Variants in CFAP299 observed in about 807,000 individuals in gnomAD.
CFAP299 encodes the protein cilia- and flagella-associated protein 299.
CFAP299 carries 21 observed loss-of-function variants against 27.0 expected under a neutral mutation model. That is an observed-to-expected ratio of 0.78 (90% CI 0.55 to 1.12). The LOEUF is 1.12. Ranked by LOEUF, CFAP299 falls within the 50% of genes most tolerant of loss-of-function variation. The probability of loss-of-function intolerance (pLI) is 0.00; values close to 1 mark genes in which losing one functional copy is unlikely to be tolerated. For synonymous variants in CFAP299, 104 were observed against 98.1 expected, an observed-to-expected ratio of 1.06 and a Z score of -0.36; for missense variants, 310 against 276.6, an observed-to-expected ratio of 1.12 and a Z score of -0.86.
chr4:80,625,709 A>AAG (rs1418153016), intron 3 of CFAP299, among the ~76,000 whole-genome samples: 44 of 152,154 alleles, frequency 2.9e-4, no homozygotes, highest in Admixed American at 2.2e-3. Flanking sequence ...CTGCATGTAA[A>AAG]TGGTAGCCAA....
chr4:80,525,281 TTGTCATTTCAGGA>T (rs1733115170), intron 2 of CFAP299, among the ~76,000 whole-genome samples: 1 of 152,154 alleles, frequency 6.6e-6, no homozygotes. Context: ...GAATCACTGG[TTGTCATTTCAGGA>T]TGTGTCGGCC....
chr4:80,789,003 C>T (rs1727403001), intron 3 of CFAP299, among the ~76,000 whole-genome samples: 1 of 152,056 alleles, frequency 6.6e-6, no homozygotes, highest in African/African-American at 2.4e-5. Context: ...TGGCACATTG[C>T]CAAGTCACTT....
intron 3 of CFAP299, among the ~76,000 whole-genome samples, chr4:80,730,268 GTGTGTGTGTGTA>G (rs1427449003): frequency 6.7e-6 from 1 of 149,660 alleles, no homozygotes; most frequent in African/African-American, 2.5e-5. Flanking sequence ...GTGTGTGTGT[GTGTGTGTGTGTA>G]TGTGTGTGTG....
intron 3 of CFAP299, among the ~76,000 whole-genome samples, chr4:80,867,307 G>A (rs190643195): frequency 1.4e-3 from 219 of 151,962 alleles, no homozygotes; most frequent in African/African-American, 4.9e-3. Flanking sequence ...AAACTCTCCC[G>A]TATGTATGTT....
At chr4:80,464,087 A>T (rs1001137499) in intron 2 of CFAP299, among the ~76,000 whole-genome samples, 7 of 150,900 alleles carry the variant, frequency 4.6e-5, no homozygotes, top group African/African-American at 1.7e-4. Flanking sequence ...TATTTTGTAA[A>T]TTTTTTTTTT....
At chr4:80,907,895 T>G (rs546319453) in intron 4 of CFAP299, among the ~76,000 whole-genome samples, 1 of 152,200 alleles carries the variant, frequency 6.6e-6, no homozygotes, top group South Asian at 2.1e-4. Flanking sequence ...AAACATTGAG[T>G]TCACCAAGAG....
At chr4:80,649,376 C>A (rs1167357697) in intron 3 of CFAP299, among the ~76,000 whole-genome samples, 2 of 152,136 alleles carry the variant, frequency 1.3e-5, no homozygotes, top group Non-Finnish European at 2.9e-5. Context: ...GAAGAGATGA[C>A]ACTTCATTTC....
intron 4 of CFAP299, among the ~76,000 whole-genome samples, chr4:80,923,599 C>T (rs1233749339): frequency 6.6e-6 from 1 of 152,050 alleles, no homozygotes; most frequent in Non-Finnish European, 1.5e-5. Flanking sequence ...TATCTTCTCT[C>T]TTAAAAGTCT....
At chr4:80,350,949 A>C (rs562677767) in intron 1 of CFAP299, among the ~76,000 whole-genome samples, 10 of 152,288 alleles carry the variant, frequency 6.6e-5, no homozygotes, top group Admixed American at 6.5e-4. Context: ...TAAAGTAAAA[A>C]ATAAGTAAAT....
At chr4:80,713,741 A>G (rs188156021) in intron 3 of CFAP299, among the ~76,000 whole-genome samples, 1 of 152,322 alleles carries the variant, frequency 6.6e-6, no homozygotes, top group Non-Finnish European at 1.5e-5. Context: ...GGCCTTATTC[A>G]CTATGCTATG....
chr4:80,578,390 A>C (rs1044569385), intron 2 of CFAP299, among the ~76,000 whole-genome samples: 2 of 152,140 alleles, frequency 1.3e-5, no homozygotes, highest in Admixed American at 1.3e-4. Context: ...GTCGCACAAT[A>C]TAAGAAGGAT....
chr4:80,835,155 C>T (rs1324524277), intron 3 of CFAP299, among the ~76,000 whole-genome samples: 3 of 152,010 alleles, frequency 2.0e-5, no homozygotes, highest in Non-Finnish European at 4.4e-5. Flanking sequence ...CTCGCTCTGT[C>T]GCCCAGGCTG....
chr4:80,868,905 CTGTGTGTGTGTGTGTGTGTG>C (rs1184951626), intron 3 of CFAP299, among the ~76,000 whole-genome samples: 20 of 137,680 alleles, frequency 1.5e-4, no homozygotes, highest in African/African-American at 4.9e-4. Context: ...GCTTCTCTCT[CTGTGTGTGTGTGTGTGTGTG>C]TGTGTGTGTG....
At chr4:80,680,322 G>C (rs995906434) in intron 3 of CFAP299, among the ~76,000 whole-genome samples, 3 of 151,994 alleles carry the variant, frequency 2.0e-5, no homozygotes, top group African/African-American at 7.2e-5. Context: ...TAATTCCTCA[G>C]TTTCTCAGTT....
chr4:80,628,983 A>G (rs766526372), intron 3 of CFAP299, among the ~76,000 whole-genome samples: 31 of 152,218 alleles, frequency 2.0e-4, no homozygotes, highest in Admixed American at 3.3e-4. Context: ...TATCTAAAGA[A>G]ATGAAATCAG....
intron 2 of CFAP299, among the ~76,000 whole-genome samples, chr4:80,505,494 A>G: frequency 6.6e-6 from 1 of 152,330 alleles, no homozygotes; most frequent in South Asian, 2.1e-4. Flanking sequence ...AAAAAGGACT[A>G]TTGTAGAAAA....
chr4:80,411,396 CTTA>C (rs950112476), intron 2 of CFAP299, among the ~76,000 whole-genome samples: 15 of 152,064 alleles, frequency 9.9e-5, no homozygotes, highest in African/African-American at 3.4e-4. Context: ...TTAGAGTTAA[CTTA>C]TTCTGAGTCT....
chr4:80,632,019 T>G (rs1739239536), intron 3 of CFAP299, among the ~76,000 whole-genome samples: 1 of 151,960 alleles, frequency 6.6e-6, no homozygotes. Context: ...AGAGCTGCTT[T>G]GCCTCTCCCG....
chr4:80,573,528 A>G (rs1214757164), intron 2 of CFAP299, among the ~76,000 whole-genome samples: 3 of 152,036 alleles, frequency 2.0e-5, no homozygotes, highest in Non-Finnish European at 4.4e-5. Context: ...TGTTCAAGAA[A>G]TCTTTGCCCA....
Sources: gnomAD v4.1 joint callset for allele counts (sites outside exome capture counted in the v4.1 genomes callset) on GRCh38, gnomAD v4.1.1 for gene constraint, MANE v1.5 for transcripts, NCBI Gene and HGNC (gene_info 2026-07-23, HGNC 2026-07-21) for gene names.